TMSB15B: variants seen among roughly 807,000 people sequenced by gnomAD.
TMSB15B encodes thymosin beta 15B, also known as thymosin beta-15B.
intron 1 of TMSB15B, chrX:103,928,355 C>G: frequency 8.3e-7 from 1 of 1,210,311 alleles, no homozygotes; most frequent in Non-Finnish European, 1.1e-6. Context: ...CCTCTTCTCT[C>G]CAAGATGTTG....
intron 1 of TMSB15B, among the ~76,000 whole-genome samples, chrX:103,940,039 G>T (rs2075008560): frequency 8.9e-6 from 1 of 111,813 alleles, no homozygotes; most frequent in South Asian, 3.7e-4. Flanking sequence ...CTTTGTCCCA[G>T]AGGGGCACCA....
intron 1 of TMSB15B, among the ~76,000 whole-genome samples, chrX:103,939,449 C>T (rs1232685023): frequency 6.4e-5 from 7 of 109,499 alleles, no homozygotes; most frequent in Non-Finnish European, 1.3e-4. Context: ...ATCGATTTGA[C>T]TATTGATACT....
At chrX:103,936,851 C>T (rs2074999325) in intron 1 of TMSB15B, among the ~76,000 whole-genome samples, 1 of 112,101 alleles carries the variant, frequency 8.9e-6, no homozygotes, top group South Asian at 3.7e-4. Context: ...GTGTTTTTAG[C>T]ATTAATGGGT....
At chrX:103,926,914 A>G (rs1265340187) in intron 1 of TMSB15B, among the ~76,000 whole-genome samples, 1 of 108,834 alleles carries the variant, frequency 9.2e-6, no homozygotes, top group Non-Finnish European at 1.9e-5. Flanking sequence ...ACACCCACAC[A>G]GCTCTGTGCT....
chrX:103,923,552 A>G (rs781968411), intron 1 of TMSB15B, among the ~76,000 whole-genome samples: 132 of 111,182 alleles, frequency 1.2e-3, no homozygotes, highest in South Asian at 6.2e-3. Context: ...GTTCTGTTCC[A>G]TTGGTCTATA....
chrX:103,925,577 C>G (rs144374471), intron 1 of TMSB15B, among the ~76,000 whole-genome samples: 1 of 112,122 alleles, frequency 8.9e-6, no homozygotes, highest in Non-Finnish European at 1.9e-5. Flanking sequence ...TTATTTTGCC[C>G]TTTCTGCTCC....
chrX:103,925,194 C>A (rs1272232175), intron 1 of TMSB15B, among the ~76,000 whole-genome samples: 1 of 111,875 alleles, frequency 8.9e-6, no homozygotes, highest in African/African-American at 3.3e-5. Flanking sequence ...TCTTAATGTC[C>A]TGGTTTTGTA....
chrX:103,937,130 C>CT (rs1422616934), intron 1 of TMSB15B, among the ~76,000 whole-genome samples: 1 of 111,594 alleles, frequency 9.0e-6, no homozygotes, highest in Non-Finnish European at 1.9e-5. Flanking sequence ...CTGAAATTTT[C>CT]TTTTTTTGTT....
chrX:103,929,276 G>A (rs1180804), intron 1 of TMSB15B, among the ~76,000 whole-genome samples: 18,705 of 110,937 alleles, frequency 0.17, 1,323 homozygotes, highest in Non-Finnish European at 0.23. Context: ...TTTAAATAAC[G>A]TGTAACCCAG....
chrX:103,949,974 A>C (rs2075034922), intron 1 of TMSB15B, among the ~76,000 whole-genome samples: 1 of 111,609 alleles, frequency 9.0e-6, no homozygotes, highest in South Asian at 3.8e-4. Flanking sequence ...AGCCAAGGGA[A>C]GAAAGTGAAC....
chrX:103,952,419 C>T (rs1556328438), intron 1 of TMSB15B, among the ~76,000 whole-genome samples: 1 of 111,362 alleles, frequency 9.0e-6, no homozygotes, highest in Non-Finnish European at 1.9e-5. Context: ...AGTAAAGTCA[C>T]TTACACAACT....
chrX:103,936,940 G>T (rs1449287674), intron 1 of TMSB15B, among the ~76,000 whole-genome samples: 1 of 111,694 alleles, frequency 9.0e-6, no homozygotes, highest in Non-Finnish European at 1.9e-5. Context: ...TTTATGTGAT[G>T]GTTCTGTTTA....
intron 1 of TMSB15B, among the ~76,000 whole-genome samples, chrX:103,938,021 G>A (rs1288449229): frequency 3.6e-5 from 4 of 112,078 alleles, no homozygotes; most frequent in Admixed American, 9.5e-5. Context: ...TGATTGCACT[G>A]TGGTCTGAGA....
intron 1 of TMSB15B, chrX:103,929,099 G>A (rs1448483024): frequency 4.6e-5 from 36 of 785,274 alleles, no homozygotes; most frequent in East Asian, 1.3e-4. Flanking sequence ...TCTTTGGCTC[G>A]GTTGCCTAAT....
chrX:103,927,095 T>C (rs2074970431), intron 1 of TMSB15B, among the ~76,000 whole-genome samples: 1 of 111,461 alleles, frequency 9.0e-6, no homozygotes, highest in Non-Finnish European at 1.9e-5. Flanking sequence ...ATACTAGCCA[T>C]CTGCTTCCTG....
intron 1 of TMSB15B, among the ~76,000 whole-genome samples, chrX:103,935,583 A>T (rs2074995403): frequency 9.0e-6 from 1 of 111,401 alleles, no homozygotes; most frequent in African/African-American, 3.3e-5. Context: ...TCCCAACACC[A>T]TTTATTAAAT....
chrX:103,942,069 T>C (rs1441826804), intron 1 of TMSB15B, among the ~76,000 whole-genome samples: 1 of 112,146 alleles, frequency 8.9e-6, no homozygotes, highest in Admixed American at 9.4e-5. Context: ...CACTTATTTT[T>C]CCATTTTAAT....
intron 1 of TMSB15B, among the ~76,000 whole-genome samples, chrX:103,942,705 T>G (rs1556325817): frequency 8.9e-6 from 1 of 112,120 alleles, no homozygotes; most frequent in Non-Finnish European, 1.9e-5. Context: ...TAAACAAAAA[T>G]AATGGTTGAA....
Position 103,923,634 on chromosome X carries a change from C to A in TMSB15B, c.-721+4342C>A, listed in dbSNP as rs1286380085. 2.7e-5 allele frequency among the ~76,000 whole-genome samples: 3 copies of A among 111,510 alleles called. No homozygotes were observed. In the Admixed American group the frequency reaches 2.9e-4, roughly 11 times the overall value. On this transcript the variant is annotated intron_variant, in intron 1 of 3. Coordinates refer to the TMSB15B transcript ENST00000419165. Reference sequence around the variant, plus strand: ...TGTAGTATAGTTTGAAGTCAGGTAGCGTGATGCCTCCAGCTTTGTTCTTTT... The same window carrying A: ...TGTAGTATAGTTTGAAGTCAGGTAGAGTGATGCCTCCAGCTTTGTTCTTTT...
Sources: allele counts gnomAD v4.1 joint callset (sites outside exome capture counted in the v4.1 genomes callset), GRCh38; gene constraint gnomAD v4.1.1; transcripts MANE v1.5; gene names NCBI Gene and HGNC (gene_info 2026-07-23, HGNC 2026-07-21).